Variants in GPC3 observed in about 807,000 individuals in gnomAD.
The protein encoded by GPC3 is glypican-3.
Under a neutral mutation model 34.4 loss-of-function variants are expected in GPC3, and 3 were observed. The observed-to-expected ratio is 0.09, with a 90% CI of 0.04 to 0.23. The LOEUF is 0.23. Among genes scored for constraint, GPC3 ranks in the 10% least tolerant of loss-of-function variants. GPC3 has a pLI of 1.00. For synonymous variants in GPC3, 177 were observed against 174.0 expected, an observed-to-expected ratio of 1.02 and a Z score of -0.13; for missense variants, 351 against 445.6, an observed-to-expected ratio of 0.79 and a Z score of 1.91.
chrX:133,750,813 C>T (rs1191808311), intron 3 of GPC3, among the ~76,000 whole-genome samples: 3 of 110,890 alleles, frequency 2.7e-5, no homozygotes, highest in Non-Finnish European at 5.7e-5. Context: ...GTGGCTCATG[C>T]CTGTAGTCTC....
intron 2 of GPC3, among the ~76,000 whole-genome samples, chrX:133,795,786 G>A (rs2075575680): frequency 1.1e-5 from 1 of 90,690 alleles, no homozygotes; most frequent in Non-Finnish European, 2.6e-5. Flanking sequence ...CCTCTCATAA[G>A]AGTCTCCAAG....
intron 3 of GPC3, among the ~76,000 whole-genome samples, chrX:133,742,553 T>C (rs1031561504): frequency 1.8e-5 from 2 of 112,057 alleles, no homozygotes; most frequent in African/African-American, 3.2e-5. Flanking sequence ...GGCCCATCTA[T>C]TAACTATATG....
In GPC3 at chrX:133,794,802, A is replaced by T. The variant is rs1457931192; in HGVS notation, c.338-40626T>A. On this transcript the variant is annotated intron_variant, in intron 2 of 7. Transcript: ENST00000370818. ...TATGCTAGTTGAAGGGAGAATTTTT[A>T]AAAAATCTATTTAGTGAGTAGCAAG... Among the ~76,000 whole-genome samples the T allele has an allele frequency of 2.7e-5, 3 of 112,715 alleles. No individual in the cohort carries two copies. In the East Asian group the frequency reaches 8.4e-4, roughly 31 times the overall value.
At chrX:133,806,190 T>C (rs1298130487) in intron 2 of GPC3, among the ~76,000 whole-genome samples, 2 of 112,607 alleles carry the variant, frequency 1.8e-5, no homozygotes, top group African/African-American at 6.5e-5. Context: ...GTTTTCATTG[T>C]TACTGTTGTG....
chrX:133,846,580 G>A (rs750639941), intron 2 of GPC3, among the ~76,000 whole-genome samples: 1 of 111,168 alleles, frequency 9.0e-6, no homozygotes, highest in Non-Finnish European at 1.9e-5. Flanking sequence ...CTGAACTTTT[G>A]AACTAGTCTG....
chrX:133,861,573 C>CTGA (rs1215449754), intron 2 of GPC3, among the ~76,000 whole-genome samples: 1 of 111,397 alleles, frequency 9.0e-6, no homozygotes, highest in African/African-American at 3.3e-5. Flanking sequence ...GTTTTTAGCT[C>CTGA]TGATATAGTT....
chrX:133,857,691 T>A (rs1043913310), intron 2 of GPC3, among the ~76,000 whole-genome samples: 1 of 111,781 alleles, frequency 8.9e-6, no homozygotes, highest in African/African-American at 3.3e-5. Flanking sequence ...AGCACCAACA[T>A]ACAAATGAGC....
chrX:133,936,514 C>A (rs1569456814), intron 2 of GPC3, among the ~76,000 whole-genome samples: 1 of 111,209 alleles, frequency 9.0e-6, no homozygotes, highest in East Asian at 2.8e-4. Context: ...CTTAGAAGTG[C>A]TAACAACGGC....
chrX:133,591,435 T>C (rs2069846632), intron 7 of GPC3, among the ~76,000 whole-genome samples: 1 of 111,500 alleles, frequency 9.0e-6, no homozygotes, highest in Non-Finnish European at 1.9e-5. Context: ...AGATTGGCAA[T>C]GAGTCTCCTC....
intron 2 of GPC3, among the ~76,000 whole-genome samples, chrX:133,948,581 A>C (rs2076379467): frequency 9.0e-6 from 1 of 111,424 alleles, no homozygotes; most frequent in Non-Finnish European, 1.9e-5. Flanking sequence ...TGGACCAAAA[A>C]ATGCAATTAA....
At chrX:133,880,939 T>C (rs1168629440) in intron 2 of GPC3, among the ~76,000 whole-genome samples, 1 of 112,026 alleles carries the variant, frequency 8.9e-6, no homozygotes, top group Non-Finnish European at 1.9e-5. Context: ...CTTCTAAACA[T>C]AGCCAGTTGT....
In GPC3 at chrX:133,789,027, A is replaced by G. The variant is rs189252521; in HGVS notation, c.338-34851T>C. Among the ~76,000 whole-genome samples the G allele has an allele frequency of 1.2e-4, 13 of 111,086 alleles. No individual in the cohort carries two copies. In the Admixed American group the frequency reaches 1.2e-3, roughly 11 times the overall value. ...TTCACAGGGGAGGCTTCCCTTTGATAAATTTTCTATAGTCTGTAATTTGGT... is the reference window on the plus strand; with the variant it reads ...TTCACAGGGGAGGCTTCCCTTTGATGAATTTTCTATAGTCTGTAATTTGGT... On this transcript the variant is annotated intron_variant, in intron 2 of 7. Transcript: ENST00000370818.
intron 1 of GPC3, among the ~76,000 whole-genome samples, chrX:133,979,592 C>G (rs2076529736): frequency 1.8e-5 from 2 of 111,904 alleles, no homozygotes; most frequent in African/African-American, 6.5e-5. Context: ...CCCCCTGATA[C>G]ACGTAGCATT....
At chrX:133,597,891 C>T (rs768566274) in intron 6 of GPC3, among the ~76,000 whole-genome samples, 108 of 110,893 alleles carry the variant, frequency 9.7e-4, no homozygotes, top group Non-Finnish European at 1.6e-3. Flanking sequence ...CTGCCACTTC[C>T]GCTGCTGCTC....
At chrX:133,899,436 C>T (rs1176373679) in intron 2 of GPC3, among the ~76,000 whole-genome samples, 2 of 111,774 alleles carry the variant, frequency 1.8e-5, no homozygotes, top group African/African-American at 6.5e-5. Flanking sequence ...TGTTCCAGCA[C>T]CACAGGATCC....
chrX:133,953,001 A>G, intron 2 of GPC3, 49 bp downstream of exon 2: 1 of 1,088,054 alleles, frequency 9.2e-7, no homozygotes, highest in Admixed American at 2.2e-5. Context: ...CCAGTGCCCA[A>G]ATAATGATGC....
intron 7 of GPC3, among the ~76,000 whole-genome samples, chrX:133,566,842 T>C (rs1450552733): frequency 8.9e-6 from 1 of 111,956 alleles, no homozygotes; most frequent in Non-Finnish European, 1.9e-5. Context: ...CAAGCCTGGC[T>C]TCTAGGCTAG....
chrX:133,976,793 C>G (rs2076517579), intron 1 of GPC3, among the ~76,000 whole-genome samples: 1 of 109,892 alleles, frequency 9.1e-6, no homozygotes, highest in Non-Finnish European at 1.9e-5. Flanking sequence ...TGGTGGGCAC[C>G]TGTAATCCCA....
chrX:133,540,547 CAG>C (rs1306031632), intron 7 of GPC3, among the ~76,000 whole-genome samples: 5 of 110,986 alleles, frequency 4.5e-5, no homozygotes, highest in East Asian at 2.8e-4. Context: ...ACTGGGGACT[CAG>C]GGGACAGAGT....
Sources: gnomAD v4.1 joint callset for allele counts (sites outside exome capture counted in the v4.1 genomes callset) on GRCh38, gnomAD v4.1.1 for gene constraint, MANE v1.5 for transcripts, NCBI Gene and HGNC (gene_info 2026-07-23, HGNC 2026-07-21) for gene names.